TTC39B: variants seen among roughly 807,000 people sequenced by gnomAD.
TTC39B encodes the protein tetratricopeptide repeat domain 39B, also known as tetratricopeptide repeat protein 39B.
Under a neutral mutation model 96.6 loss-of-function variants are expected in TTC39B, and 92 were observed. That is an observed-to-expected ratio of 0.95 (90% CI 0.80 to 1.13). The LOEUF (loss-of-function observed/expected upper bound fraction) is 1.13. Among genes scored for constraint, TTC39B ranks in the 50% most tolerant of loss-of-function variants. TTC39B has a pLI of 0.00. For missense variants in TTC39B, 955 were observed against 809.3 expected, an observed-to-expected ratio of 1.18 and a Z score of -2.18; for synonymous variants, 367 against 299.4, an observed-to-expected ratio of 1.23 and a Z score of -2.33.
At chr9:15,172,540 C>T (rs1817718069) in intron 19 of TTC39B, among the ~76,000 whole-genome samples, 1 of 152,092 alleles carries the variant, frequency 6.6e-6, no homozygotes, top group African/African-American at 2.4e-5. Context: ...ACAACTGCAA[C>T]AAAGGCAGCA....
At chr9:15,226,034 C>G in intron 2 of TTC39B, 22 bp from the exon 3 acceptor site, 2 of 1,608,480 alleles carry the variant, frequency 1.2e-6, no homozygotes, top group Non-Finnish European at 1.7e-6. Context: ...AAAGGCAGAG[C>G]AAGGTTTTTT....
intron 16 of TTC39B, among the ~76,000 whole-genome samples, chr9:15,182,669 A>G (rs1324985784): frequency 1.3e-5 from 2 of 152,226 alleles, no homozygotes; most frequent in Non-Finnish European, 2.9e-5. Context: ...TTTGGAAGGT[A>G]ATAGAATACA....
intron 2 of TTC39B, among the ~76,000 whole-genome samples, chr9:15,253,384 G>A (rs1012679184): frequency 1.3e-5 from 2 of 152,218 alleles, no homozygotes; most frequent in South Asian, 4.1e-4. Context: ...GTGGCCAAGA[G>A]CCAAAGAATG....
At chr9:15,232,172 A>T (rs2131430062) in intron 2 of TTC39B, 1 of 152,856 alleles carries the variant, frequency 6.5e-6, no homozygotes, top group East Asian at 1.9e-4. Flanking sequence ...ATAAAAATCA[A>T]GTATATACCC....
intron 17 of TTC39B, among the ~76,000 whole-genome samples, chr9:15,182,042 T>C (rs1818274617): frequency 6.6e-6 from 1 of 152,172 alleles, no homozygotes; most frequent in South Asian, 2.1e-4. Context: ...ATTCTGAGTA[T>C]CGTGTAAAGG....
chr9:15,296,375 G>C (rs894040765), intron 1 of TTC39B, among the ~76,000 whole-genome samples: 1 of 152,170 alleles, frequency 6.6e-6, no homozygotes, highest in Admixed American at 6.5e-5. Context: ...GGTTGGGAAA[G>C]GGAAAGTGAA....
At chr9:15,185,768 A>G (rs1818490606) in intron 15 of TTC39B, among the ~76,000 whole-genome samples, 1 of 152,254 alleles carries the variant, frequency 6.6e-6, no homozygotes, top group Admixed American at 6.5e-5. Context: ...AGTAAGCAGG[A>G]AAGAGTCCAA....
chr9:15,228,284 T>C (rs1821235617), intron 2 of TTC39B, among the ~76,000 whole-genome samples: 1 of 152,028 alleles, frequency 6.6e-6, no homozygotes, highest in Non-Finnish European at 1.5e-5. Flanking sequence ...GCCAGCATGG[T>C]GAAACCCCGT....
At chr9:15,307,052 G>A in intron 1 of TTC39B, 32 bp downstream of exon 1, 1 of 1,604,446 alleles carries the variant, frequency 6.2e-7, no homozygotes, top group African/African-American at 1.3e-5. Context: ...AGGGCTTCAG[G>A]GGCCGGGCCC....
chr9:15,243,688 T>G (rs547973416), intron 2 of TTC39B, among the ~76,000 whole-genome samples: 1 of 152,220 alleles, frequency 6.6e-6, no homozygotes, highest in East Asian at 1.9e-4. Context: ...GGCAGGAGGA[T>G]CACTTGAGCC....
At chr9:15,222,340 G>A (rs927944420) in intron 3 of TTC39B, among the ~76,000 whole-genome samples, 14 of 152,218 alleles carry the variant, frequency 9.2e-5, no homozygotes, top group African/African-American at 3.1e-4. Flanking sequence ...CACACAGCTC[G>A]GTGGTGTTAA....
At chr9:15,183,980 A>T (rs1291186765) in intron 16 of TTC39B, among the ~76,000 whole-genome samples, 1 of 152,124 alleles carries the variant, frequency 6.6e-6, no homozygotes, top group East Asian at 1.9e-4. Context: ...CTCCTGTCTG[A>T]CCCCTGTCAG....
At chr9:15,289,932 C>T (rs377209752) in intron 1 of TTC39B, among the ~76,000 whole-genome samples, 11 of 152,088 alleles carry the variant, frequency 7.2e-5, no homozygotes, top group African/African-American at 2.7e-4. Context: ...AGCCCTTGAC[C>T]CCCCTGATGA....
intron 6 of TTC39B, among the ~76,000 whole-genome samples, chr9:15,204,335 C>A (rs1270176387): frequency 1.3e-5 from 2 of 152,014 alleles, no homozygotes; most frequent in Non-Finnish European, 2.9e-5. Flanking sequence ...TCGAGACCAG[C>A]CTGACCAACA....
intron 3 of TTC39B, chr9:15,224,554 A>G (rs993542656): frequency 1.3e-5 from 2 of 152,248 alleles, no homozygotes; most frequent in Admixed American, 6.5e-5. Context: ...CGTGCATGCT[A>G]AAGACTTCCA....
intron 17 of TTC39B, among the ~76,000 whole-genome samples, chr9:15,179,217 C>T (rs1221807600): frequency 2.0e-5 from 3 of 152,140 alleles, no homozygotes; most frequent in Admixed American, 6.5e-5. Context: ...GCAAGTACAA[C>T]GTTATTCCAA....
At chr9:15,197,303 A>C (rs1398856632) in intron 8 of TTC39B, among the ~76,000 whole-genome samples, 1 of 152,336 alleles carries the variant, frequency 6.6e-6, no homozygotes, top group African/African-American at 2.4e-5. Context: ...TTAGCATTGA[A>C]TTTAACATTC....
intron 2 of TTC39B, among the ~76,000 whole-genome samples, chr9:15,256,158 A>G (rs1431082103): frequency 6.6e-6 from 1 of 151,962 alleles, no homozygotes; most frequent in Middle Eastern, 3.2e-3. Flanking sequence ...AGCTTGAGGG[A>G]GTCTCTTTGC....
exon 20 of TTC39B, chr9:15,166,342 T>C (rs942186479): frequency 6.6e-6 from 1 of 152,222 alleles, no homozygotes; most frequent in South Asian, 2.1e-4. Context: ...CATGGGTACA[T>C]TGTAAGCAGA....
Sources: allele counts gnomAD v4.1 joint callset (sites outside exome capture counted in the v4.1 genomes callset), GRCh38; gene constraint gnomAD v4.1.1; transcripts MANE v1.5; gene names NCBI Gene and HGNC (gene_info 2026-07-23, HGNC 2026-07-21).